Variants in BBIP1 observed in about 807,000 individuals in gnomAD.
BBIP1 encodes the protein BBSome interacting protein 1.
In BBIP1, 6 loss-of-function variants were observed where a neutral mutation model predicts 8.9. The ratio of observed to expected loss-of-function variants is 0.67; its 90% CI spans 0.37 to 1.33. The LOEUF (loss-of-function observed/expected upper bound fraction) is 1.33, where lower values mean the gene tolerates loss of function less well. Ranked by LOEUF, BBIP1 falls within the 40% of genes most tolerant of loss-of-function variation. The pLI is 0.02. For synonymous variants in BBIP1, 32 were observed against 33.4 expected, an observed-to-expected ratio of 0.96 and a Z score of 0.14; for missense variants, 111 against 109.2, an observed-to-expected ratio of 1.02 and a Z score of -0.07.
chr10:110,906,291 C>T (rs527432477), intron 2 of BBIP1, among the ~76,000 whole-genome samples: 2 of 152,308 alleles, frequency 1.3e-5, no homozygotes, highest in South Asian at 4.1e-4. Context: ...CAGAGGTGAG[C>T]CACCGTGCCT....
At chr10:110,902,036 T>C (rs1846017802) in intron 2 of BBIP1, 1 of 162,588 alleles carries the variant, frequency 6.2e-6, no homozygotes, top group Non-Finnish European at 1.4e-5. Context: ...TTAGGAAAAG[T>C]AGGAACTGGC....
chr10:110,907,836 C>A, intron 2 of BBIP1: 2 of 681,142 alleles, frequency 2.9e-6, no homozygotes, highest in South Asian at 3.2e-5. Flanking sequence ...TTTGAGAAGC[C>A]CTGGGAAGGA....
At chr10:110,912,033 G>A (rs1846289793) in intron 2 of BBIP1, 1 of 152,180 alleles carries the variant, frequency 6.6e-6, no homozygotes, top group Non-Finnish European at 1.5e-5. Context: ...TCTCAGGAAT[G>A]AGGTAGACGA....
chr10:110,918,086 T>C (rs1336638521), intron 2 of BBIP1, 35 bp downstream of exon 2: 3 of 1,527,606 alleles, frequency 2.0e-6, no homozygotes, highest in Non-Finnish European at 2.6e-6. Context: ...ATCTGTATTG[T>C]TGACTGGCTG....
chr10:110,900,893 G>T (rs1845981546), intron 3 of BBIP1: 1 of 226,020 alleles, frequency 4.4e-6, no homozygotes, highest in South Asian at 5.5e-5. Flanking sequence ...AATGACTGAA[G>T]GTTTAAACCT....
intron 1 of BBIP1, 65 bp from the exon 2 acceptor site, chr10:110,918,278 T>C: frequency 1.2e-6 from 1 of 811,660 alleles, no homozygotes; most frequent in Admixed American, 2.5e-5. Context: ...TTTTCAAAAA[T>C]CTTCAACACG....
Position 110,900,195 on chromosome 10 carries a change from A to T in BBIP1, c.*165T>A. 1 of 701,338 alleles carries T rather than the reference A, an allele frequency of 1.4e-6. No individual in the cohort carries two copies. Among genetic ancestry groups the T allele is most frequent in the Non-Finnish European group, 2.2e-6 (1 of 453,740 alleles). 43.4% of individuals were successfully genotyped at this position (701,338 alleles called of 1,614,324 possible). On this transcript the variant is annotated 3_prime_UTR_variant, in exon 4 of 4. Coordinates refer to ENST00000448814, the MANE Select transcript of BBIP1 (RefSeq NM_001195305.3). ...ATGTTCAATACAAACCAGAGTGTTT[A>T]CATTCACAATACAAATTTCATCAAT...
intron 2 of BBIP1, 131 bp downstream of exon 2, chr10:110,917,990 T>C: frequency 1.3e-6 from 1 of 759,998 alleles, no homozygotes; most frequent in Non-Finnish European, 2.2e-6. Context: ...ATTTCAGTAA[T>C]TAACAGCAAA....
chr10:110,903,430 T>G (rs1810782), intron 2 of BBIP1: 1 of 152,306 alleles, frequency 6.6e-6, no homozygotes. Flanking sequence ...TGGGGGAGAT[T>G]AGTGCCAGTC....
intron 2 of BBIP1, among the ~76,000 whole-genome samples, chr10:110,909,179 A>G (rs750433602): frequency 1.3e-4 from 19 of 150,854 alleles, no homozygotes; most frequent in African/African-American, 4.6e-4. Flanking sequence ...TAAGATTTAT[A>G]TAATTTTGTT....
rs1845915810 is a variant in BBIP1 at position 110,899,353 on chromosome 10, C to G, written c.*1007G>C. ...TTTACCTCATGGGCTTTATCAAGCCCATATTACCTCAGCTTATATATAGTT... is the reference window on the plus strand; with the variant it reads ...TTTACCTCATGGGCTTTATCAAGCCGATATTACCTCAGCTTATATATAGTT... On this transcript the variant is annotated 3_prime_UTR_variant, in exon 4 of 4. Coordinates refer to ENST00000448814, the MANE Select transcript of BBIP1 (RefSeq NM_001195305.3). 6.6e-6 allele frequency: 1 copy of G among 152,142 alleles called. No individual in the cohort carries two copies. Among genetic ancestry groups the G allele is most frequent in the Admixed American group, 6.5e-5 (1 of 15,272 alleles). 9.4% of individuals were successfully genotyped at this position (152,142 alleles called of 1,614,324 possible). A position where few individuals can be genotyped will look rare whatever the true frequency, so the allele number is the denominator to read the frequency against.
chr10:110,903,831 C>T (rs1020890385), intron 2 of BBIP1: 8 of 152,170 alleles, frequency 5.3e-5, no homozygotes, highest in African/African-American at 1.9e-4. Flanking sequence ...TGTTACTGTA[C>T]TGAATACAGT....
chr10:110,900,777 C>A (rs1253567809), intron 3 of BBIP1: 3 of 385,074 alleles, frequency 7.8e-6, no homozygotes, highest in Non-Finnish European at 1.4e-5. Context: ...CCATAAGACA[C>A]AACTTTTTGT....
intron 2 of BBIP1, among the ~76,000 whole-genome samples, chr10:110,913,937 A>C (rs183457662): frequency 5.3e-5 from 8 of 152,208 alleles, no homozygotes; most frequent in Non-Finnish European, 1.2e-4. Flanking sequence ...AAAAAATCCA[A>C]ATTTTAGCTC....
chr10:110,906,257 C>T (rs892872239), intron 2 of BBIP1, among the ~76,000 whole-genome samples: 16 of 152,136 alleles, frequency 1.1e-4, no homozygotes, highest in Admixed American at 6.5e-4. Context: ...CCGCCCACCT[C>T]GGCCTCCCAA....
At chr10:110,903,531 G>A (rs1846057255) in intron 2 of BBIP1, 1 of 152,288 alleles carries the variant, frequency 6.6e-6, no homozygotes. Context: ...GGAAGGGAAG[G>A]GCTAAAATAA....
intron 2 of BBIP1, among the ~76,000 whole-genome samples, chr10:110,906,213 A>T (rs1191553867): frequency 6.6e-6 from 1 of 152,178 alleles, no homozygotes; most frequent in East Asian, 1.9e-4. Flanking sequence ...TCACTGTGTT[A>T]GCCAGGATGG....
rs1434178988 is a variant in BBIP1 at position 110,900,254 on chromosome 10, A to G, written c.*106T>C. On this transcript the variant is annotated 3_prime_UTR_variant, in exon 4 of 4. Transcript: ENST00000448814. ...TTTTTGTATTTCTATGAATACTATCAATTTTATTGATAACACATACTACTT... is the reference window on the plus strand; with the variant it reads ...TTTTTGTATTTCTATGAATACTATCGATTTTATTGATAACACATACTACTT... 1.9e-6 allele frequency: 2 copies of G among 1,064,858 alleles called. No individual in the cohort carries two copies. The highest frequency in any genetic ancestry group is 1.3e-6 in the Non-Finnish European group (1 of 776,452). 66.0% of individuals were successfully genotyped at this position (1,064,858 alleles called of 1,614,324 possible).
intron 2 of BBIP1, among the ~76,000 whole-genome samples, chr10:110,917,511 C>T (rs551713869): frequency 6.6e-6 from 1 of 152,064 alleles, no homozygotes; most frequent in Non-Finnish European, 1.5e-5. Context: ...TAAATTATTT[C>T]TTTCAGCTTT....
Sources: allele counts gnomAD v4.1 joint callset (sites outside exome capture counted in the v4.1 genomes callset), GRCh38; gene constraint gnomAD v4.1.1; transcripts MANE v1.5; gene names NCBI Gene and HGNC (gene_info 2026-07-23, HGNC 2026-07-21).